LGSN: variants seen among roughly 807,000 people sequenced by gnomAD.
LGSN encodes the protein lengsin.
In LGSN, 21 loss-of-function variants were observed where a neutral mutation model predicts 19.5. The ratio of observed to expected loss-of-function variants is 1.07; its 90% CI spans 0.76 to 1.55. The LOEUF (loss-of-function observed/expected upper bound fraction) is 1.55. Among genes scored for constraint, LGSN ranks in the 40% most tolerant of loss-of-function variants. The pLI is 0.00. For missense variants in LGSN, 673 were observed against 608.5 expected, an observed-to-expected ratio of 1.11 and a Z score of -1.12; for synonymous variants, 257 against 215.6, an observed-to-expected ratio of 1.19 and a Z score of -1.68.
the LGSN span, among the ~76,000 whole-genome samples, chr6:63,361,114 T>A: frequency 8.5e-5 from 13 of 152,344 alleles, no homozygotes; most frequent in Admixed American, 5.2e-4. Flanking sequence ...GGGACCCACT[T>A]GAGAAGGCAG....
the LGSN span, among the ~76,000 whole-genome samples, chr6:63,383,369 CTT>C: frequency 2.2e-5 from 3 of 138,362 alleles, no homozygotes; most frequent in African/African-American, 9.5e-5. Flanking sequence ...TTAACCATTA[CTT>C]ACACACACAC....
chr6:63,439,531 T>C, the LGSN span, among the ~76,000 whole-genome samples: 7 of 150,896 alleles, frequency 4.6e-5, no homozygotes, highest in Non-Finnish European at 1.0e-4. Flanking sequence ...AAAAAAAAAA[T>C]TTTTTTAAAT....
At chr6:63,540,469 A>G in the LGSN span, among the ~76,000 whole-genome samples, 49 of 151,782 alleles carry the variant, frequency 3.2e-4, no homozygotes, top group East Asian at 9.6e-3. Flanking sequence ...GAAAGTACAA[A>G]AATTAGCCGG....
At chr6:63,443,744 C>T in the LGSN span, among the ~76,000 whole-genome samples, 1 of 152,150 alleles carries the variant, frequency 6.6e-6, no homozygotes, top group East Asian at 1.9e-4. Flanking sequence ...TTCTTCATTC[C>T]TTAGTCAGGG....
At chr6:63,474,648 G>A in the LGSN span, among the ~76,000 whole-genome samples, 12 of 151,478 alleles carry the variant, frequency 7.9e-5, no homozygotes, top group African/African-American at 1.9e-4. Flanking sequence ...TAGGCTGGGC[G>A]CTGTGGCTCA....
the LGSN span, among the ~76,000 whole-genome samples, chr6:63,459,081 G>A: frequency 6.6e-6 from 1 of 152,166 alleles, no homozygotes; most frequent in Non-Finnish European, 1.5e-5. Context: ...GATTTTACCT[G>A]AAAGACCAAG....
chr6:63,475,236 A>G, the LGSN span, among the ~76,000 whole-genome samples: 43 of 130,312 alleles, frequency 3.3e-4, no homozygotes, highest in African/African-American at 1.2e-3. Flanking sequence ...ATACCCTAAC[A>G]CCCCATGCCA....
the LGSN span, among the ~76,000 whole-genome samples, chr6:63,562,511 T>C: frequency 1.3e-5 from 2 of 152,236 alleles, no homozygotes; most frequent in African/African-American, 2.4e-5. Context: ...ATACTTTTAA[T>C]ATCCGAAAAG....
At chr6:63,497,522 C>T in the LGSN span, among the ~76,000 whole-genome samples, 4 of 152,100 alleles carry the variant, frequency 2.6e-5, no homozygotes, top group Admixed American at 2.6e-4. Context: ...CACTGCACTC[C>T]AGCCTGGGTG....
At chr6:63,549,670 C>G in the LGSN span, among the ~76,000 whole-genome samples, 3 of 151,214 alleles carry the variant, frequency 2.0e-5, no homozygotes, top group African/African-American at 7.3e-5. Flanking sequence ...ACGGATAGAA[C>G]TGGAGGACAT....
the LGSN span, chr6:63,571,247 TAATA>T: frequency 6.6e-6 from 1 of 152,202 alleles, no homozygotes; most frequent in Non-Finnish European, 1.5e-5. Context: ...ATAGAAGTTC[TAATA>T]AATCCTAAGA....
At chr6:63,416,387 C>T in the LGSN span, among the ~76,000 whole-genome samples, 10 of 152,230 alleles carry the variant, frequency 6.6e-5, no homozygotes, top group African/African-American at 1.9e-4. Flanking sequence ...TATCCTGTAT[C>T]ACATCCTCCC....
chr6:63,357,422 T>C, the LGSN span, among the ~76,000 whole-genome samples: 1 of 151,864 alleles, frequency 6.6e-6, no homozygotes, highest in Admixed American at 6.5e-5. Flanking sequence ...ACTTCCACAA[T>C]GTTCGAAGTA....
At chr6:63,371,946 T>C in the LGSN span, among the ~76,000 whole-genome samples, 1 of 152,210 alleles carries the variant, frequency 6.6e-6, no homozygotes, top group South Asian at 2.1e-4. Context: ...TCTCAAATCT[T>C]TTCATTTTTC....
intron 2 of LGSN, among the ~76,000 whole-genome samples, chr6:63,286,982 C>A (rs1013428032): frequency 1.3e-5 from 2 of 152,182 alleles, no homozygotes; most frequent in African/African-American, 4.8e-5. Flanking sequence ...ATGATCAAGT[C>A]TGCATCCAAA....
intron 2 of LGSN, among the ~76,000 whole-genome samples, chr6:63,288,158 C>T (rs911732839): frequency 6.6e-6 from 1 of 151,732 alleles, no homozygotes; most frequent in Admixed American, 6.6e-5. Context: ...GTGGAAGTTG[C>T]AGCTCCACCA....
At chr6:63,444,050 A>C in the LGSN span, among the ~76,000 whole-genome samples, 1 of 152,328 alleles carries the variant, frequency 6.6e-6, no homozygotes, top group South Asian at 2.1e-4. Context: ...TAACCAACTC[A>C]TAATAGGAGT....
At chr6:63,470,324 A>G in the LGSN span, among the ~76,000 whole-genome samples, 1 of 151,948 alleles carries the variant, frequency 6.6e-6, no homozygotes, top group African/African-American at 2.4e-5. Flanking sequence ...ATATACAAAA[A>G]TTAGCTTGGC....
At chr6:63,554,615 T>A in the LGSN span, among the ~76,000 whole-genome samples, 1 of 152,136 alleles carries the variant, frequency 6.6e-6, no homozygotes, top group Non-Finnish European at 1.5e-5. Context: ...CTGGCCAACA[T>A]GGTGAAACCC....
Sources: gnomAD v4.1 joint callset for allele counts (sites outside exome capture counted in the v4.1 genomes callset) on GRCh38, gnomAD v4.1.1 for gene constraint, MANE v1.5 for transcripts, NCBI Gene and HGNC (gene_info 2026-07-23, HGNC 2026-07-21) for gene names.